The following ADGRD2 variants were observed in gnomAD, a reference collection of about 807,000 sequenced individuals.
ADGRD2 encodes G protein-coupled receptor PGR24.
ADGRD2 carries 71 observed loss-of-function variants against 44.4 expected under a neutral mutation model. The ratio of observed to expected loss-of-function variants is 1.60; its 90% CI spans 1.32 to 1.95. The LOEUF (loss-of-function observed/expected upper bound fraction) is 1.95, where lower values mean the gene tolerates loss of function less well. Ranked by LOEUF, ADGRD2 falls within the 30% of genes most tolerant of loss-of-function variation. ADGRD2 has a pLI of 0.00. For missense variants in ADGRD2, 1,039 were observed against 512.4 expected (o/e 2.03, Z -9.92); for synonymous variants, 481 against 224.8 (o/e 2.14, Z -10.19).
chr9:124,461,843 G>A (rs370966115), intron 10 of ADGRD2, among the ~76,000 whole-genome samples: 3 of 151,710 alleles, frequency 2.0e-5, no homozygotes, highest in East Asian at 1.9e-4. Flanking sequence ...CACCTCCCGC[G>A]TTCAAGTGAT....
At chr9:124,460,020 C>T (rs1180291315) in intron 10 of ADGRD2, among the ~76,000 whole-genome samples, 2 of 151,992 alleles carry the variant, frequency 1.3e-5, no homozygotes, top group Non-Finnish European at 2.9e-5. Context: ...AATTTCTTCT[C>T]CCTTCTGAAA....
At chr9:124,469,628 G>A (rs1340401653) in intron 16 of ADGRD2, 81 bp downstream of exon 19, 12 of 692,590 alleles carry the variant, frequency 1.7e-5, no homozygotes, top group Middle Eastern at 3.1e-4. Context: ...CACTGGGCGA[G>A]AGCACGTGCG....
chr9:124,451,040 C>T (rs1003059336), upstream of ADGRD2: 11 of 471,404 alleles, frequency 2.3e-5, no homozygotes, highest in Non-Finnish European at 4.4e-5. Flanking sequence ...ACCCACCAGC[C>T]GGAACCACAA....
rs1831571890 is a variant in ADGRD2, at chr9:124,454,356, G to A, written c.1023-128G>A. ...TCTAGAACACCGTGTGTAAGACTCTGGACACACAGCCATCAAGGTGCTCTT... is the reference window on the plus strand; with the variant it reads ...TCTAGAACACCGTGTGTAAGACTCTAGACACACAGCCATCAAGGTGCTCTT... On this transcript the variant is annotated intron_variant, in intron 4 of 21. Transcript: ENST00000334810. This position sits in a 1 kb window ranked among gnomAD's most constrained non-coding sequence, Gnocchi z 4.5. The A allele has an allele frequency of 3.2e-6, 2 of 622,502 alleles. No individual in the cohort carries two copies. The highest frequency in any genetic ancestry group is 3.9e-4 in the Middle Eastern group (1 of 2,550). 38.6% of individuals were successfully genotyped at this position (622,502 alleles called of 1,614,324 possible). A position where few individuals can be genotyped will look rare whatever the true frequency, so the allele number is the denominator to read the frequency against.
intron 10 of ADGRD2, chr9:124,465,919 G>T (rs1308113560): frequency 5.3e-6 from 1 of 187,350 alleles, no homozygotes; most frequent in Non-Finnish European, 1.1e-5. Flanking sequence ...TCTATCTGAG[G>T]CCGGGGCCCT....
At chr9:124,458,540 G>A in intron 9 of ADGRD2, 76 bp from the exon 13 acceptor site, 2 of 691,510 alleles carry the variant, frequency 2.9e-6, no homozygotes, top group East Asian at 2.7e-5. Context: ...CCACCGTAGG[G>A]GCCTGGGTGA....
intron 6 of ADGRD2, among the ~76,000 whole-genome samples, chr9:124,455,448 G>A (rs1415742870): frequency 6.6e-6 from 1 of 152,112 alleles, no homozygotes; most frequent in Non-Finnish European, 1.5e-5. Context: ...AAATTAGCCA[G>A]GCCTGGTAGC....
chr9:124,460,389 T>TATA (rs1554718953), intron 10 of ADGRD2, among the ~76,000 whole-genome samples: 10 of 26,838 alleles, frequency 3.7e-4, no homozygotes, highest in South Asian at 1.3e-3. Flanking sequence ...TATATATATA[T>TATA]TTTTTTTTAG....
In ADGRD2 at chr9:124,455,180, A is replaced by G. The variant is rs1411272083; in HGVS notation, c.1393+53A>G. ...GGGGCCTGGGCTATGGTTCCAGCCT[A>G]GCCACCAGCTGGTTGTGTAGCTGTG... On this transcript the variant is annotated intron_variant, in intron 6 of 21. Transcript: ENST00000334810. 15 of 625,740 alleles carry G rather than the reference A, an allele frequency of 2.4e-5. No homozygotes were observed. The African/African-American group carries it at 2.7e-4, about 11-fold the overall frequency. 38.8% of individuals were successfully genotyped at this position (625,740 alleles called of 1,614,324 possible).
At chr9:124,460,374 GTA>G (rs3050260) in intron 10 of ADGRD2, among the ~76,000 whole-genome samples, 2 of 80,262 alleles carry the variant, frequency 2.5e-5, no homozygotes, top group Non-Finnish European at 2.5e-5. Context: ...AGCTAATTTT[GTA>G]TATATATATA....
chr9:124,451,372 C>G, upstream of ADGRD2: 4 of 386,346 alleles, frequency 1.0e-5, no homozygotes, highest in South Asian at 7.7e-5. Flanking sequence ...TCCCAGCTCT[C>G]CAGGGCGACA....
At chr9:124,470,380 C>A in intron 16 of ADGRD2, 114 bp from the exon 20 acceptor site, 1 of 611,396 alleles carries the variant, frequency 1.6e-6, no homozygotes, top group South Asian at 1.9e-5. Flanking sequence ...GCCATGGTCC[C>A]GGCCCTCAGC....
chr9:124,463,793 G>A (rs1032419528), intron 10 of ADGRD2, among the ~76,000 whole-genome samples: 3 of 151,884 alleles, frequency 2.0e-5, no homozygotes, highest in East Asian at 3.9e-4. Flanking sequence ...TTCATTCTTG[G>A]CCAGTCTAGC....
In ADGRD2 at chr9:124,454,159, CTG is replaced by C; in HGVS notation, c.1022+63_1022+64del. The C allele has an allele frequency of 1.6e-6, 1 of 618,948 alleles. No homozygotes were observed. Among genetic ancestry groups the C allele is most frequent in the Non-Finnish European group, 2.9e-6 (1 of 341,142 alleles). 38.3% of individuals were successfully genotyped at this position (618,948 alleles called of 1,614,324 possible). On this transcript the variant is annotated intron_variant, in intron 4 of 21. Coordinates refer to ENST00000334810, the Ensembl canonical transcript of ADGRD2. This position sits in a 1 kb window ranked among gnomAD's most constrained non-coding sequence, Gnocchi z 4.5. ...GAAAGCCGGTGTGGACCGGAGTAGACTGAGAGGGGGTGAGCTGCTGGCAAAGT... is the reference window on the plus strand; with the variant it reads ...GAAAGCCGGTGTGGACCGGAGTAGACAGAGGGGGTGAGCTGCTGGCAAAGT...
chr9:124,452,439 G>A, intron 1 of ADGRD2, 71 bp from the exon 5 acceptor site: 2 of 715,438 alleles, frequency 2.8e-6, no homozygotes, highest in Non-Finnish European at 5.2e-6. Context: ...AGTGTCCTTG[G>A]CTCCGCCCAG....
rs891363540 is a variant in ADGRD2 at position 124,462,672 on chromosome 9, A to T, written c.1871-3586A>T. Among the ~76,000 whole-genome samples, 4 of 152,114 alleles carry T rather than the reference A, an allele frequency of 2.6e-5. No individual in the cohort carries two copies. In the East Asian group the frequency reaches 7.7e-4, roughly 29 times the overall value. ...TAAGTTTTGGATATTACCGGAAATG[A>T]TATTGTTTTCTTAATTTTAAACTGT... On this transcript the variant is annotated intron_variant, in intron 10 of 21. Transcript: ENST00000334810.
chr9:124,451,294 A>C (rs1588597425), upstream of ADGRD2: 1 of 459,666 alleles, frequency 2.2e-6, no homozygotes, highest in South Asian at 1.6e-5. Flanking sequence ...AGCTTCCCCC[A>C]CCCGCTGCAG....
At chr9:124,464,650 C>G (rs1245599528) in intron 10 of ADGRD2, among the ~76,000 whole-genome samples, 1 of 152,178 alleles carries the variant, frequency 6.6e-6, no homozygotes, top group African/African-American at 2.4e-5. Flanking sequence ...TACCACTGGC[C>G]ACCTGATATG....
upstream of ADGRD2, among the ~76,000 whole-genome samples, chr9:124,450,760 C>T (rs991980362): frequency 6.6e-6 from 1 of 152,184 alleles, no homozygotes; most frequent in African/African-American, 2.4e-5. Flanking sequence ...TCCCAGTCCT[C>T]CGGTGAGGGG....
Sources: allele counts gnomAD v4.1 joint callset (sites outside exome capture counted in the v4.1 genomes callset), GRCh38; gene constraint gnomAD v4.1.1; non-coding constraint Gnocchi (gnomAD v3.1); transcripts MANE v1.5; gene names NCBI Gene and HGNC (gene_info 2026-07-23, HGNC 2026-07-21).